Variants in GRB14 observed in about 807,000 individuals in gnomAD.
GRB14 encodes the protein growth factor receptor bound protein 14, also known as growth factor receptor-bound protein 14.
A neutral mutation model predicts 69.1 loss-of-function variants in GRB14; 38 were observed. That is an observed-to-expected ratio of 0.55 (90% CI 0.42 to 0.72). The LOEUF is 0.72. Among genes scored for constraint, GRB14 ranks in the 30% least tolerant of loss-of-function variants. The pLI is 0.00. For missense variants in GRB14, 666 were observed against 666.1 expected (o/e 1.00, Z 0.00); for synonymous variants, 247 against 241.3 (o/e 1.02, Z -0.22).
At chr2:164,557,189 A>G (rs1480337853) in intron 2 of GRB14, among the ~76,000 whole-genome samples, 6 of 152,182 alleles carry the variant, frequency 3.9e-5, no homozygotes, top group Non-Finnish European at 7.3e-5. Flanking sequence ...AACAATACTC[A>G]GGAAAGAATA....
intron 6 of GRB14, among the ~76,000 whole-genome samples, chr2:164,512,561 C>A (rs1687367859): frequency 6.6e-6 from 1 of 152,228 alleles, no homozygotes; most frequent in South Asian, 2.1e-4. Flanking sequence ...GAGGGAAGGA[C>A]ACAAGCCTGG....
intron 2 of GRB14, among the ~76,000 whole-genome samples, chr2:164,567,021 G>A (rs1308199167): frequency 6.6e-6 from 1 of 152,064 alleles, no homozygotes; most frequent in Non-Finnish European, 1.5e-5. Context: ...ACCGGATAAA[G>A]AAGAATTCAA....
intron 2 of GRB14, among the ~76,000 whole-genome samples, chr2:164,614,570 C>T (rs772147266): frequency 2.6e-5 from 4 of 151,954 alleles, no homozygotes; most frequent in East Asian, 1.9e-4. Flanking sequence ...TACAAAACTA[C>T]GTAGAGATGC....
intron 3 of GRB14, among the ~76,000 whole-genome samples, chr2:164,546,834 G>A (rs1409078122): frequency 6.6e-6 from 1 of 152,104 alleles, no homozygotes; most frequent in African/African-American, 2.4e-5. Flanking sequence ...CCAGCCAAAG[G>A]AGACACCAAA....
intron 2 of GRB14, among the ~76,000 whole-genome samples, chr2:164,599,633 T>C (rs191371848): frequency 5.3e-5 from 8 of 152,306 alleles, no homozygotes; most frequent in Admixed American, 5.2e-4. Context: ...GAAGCATATA[T>C]GGGAAAATGC....
At chr2:164,499,520 A>G (rs935979333) in intron 9 of GRB14, among the ~76,000 whole-genome samples, 4 of 152,150 alleles carry the variant, frequency 2.6e-5, no homozygotes, top group Non-Finnish European at 4.4e-5. Context: ...TAGAAAAGCA[A>G]TGTTGATAAC....
At chr2:164,527,981 C>T (rs190842597) in intron 3 of GRB14, among the ~76,000 whole-genome samples, 1 of 152,078 alleles carries the variant, frequency 6.6e-6, no homozygotes, top group Non-Finnish European at 1.5e-5. Flanking sequence ...TGTAAAAGCA[C>T]ACAGTGAAAA....
chr2:164,499,810 A>T (rs1421742401), intron 9 of GRB14, among the ~76,000 whole-genome samples: 1 of 152,132 alleles, frequency 6.6e-6, no homozygotes, highest in Non-Finnish European at 1.5e-5. Flanking sequence ...ATTTAGATAA[A>T]CTTACAGTGC....
At chr2:164,599,083 C>T (rs1689856223) in intron 2 of GRB14, among the ~76,000 whole-genome samples, 1 of 152,202 alleles carries the variant, frequency 6.6e-6, no homozygotes, top group African/African-American at 2.4e-5. Context: ...GACCATCCAA[C>T]CTTGCTTTAC....
At chr2:164,611,868 TAAGAG>T (rs1690174441) in intron 2 of GRB14, among the ~76,000 whole-genome samples, 1 of 152,048 alleles carries the variant, frequency 6.6e-6, no homozygotes, top group East Asian at 1.9e-4. Flanking sequence ...GAACAGAGGC[TAAGAG>T]GGAGCTTCTA....
chr2:164,496,922 A>G lies in GRB14; in HGVS notation c.1382+86T>C, dbSNP rs936127514. ...GTTTTATGATAAGCCCAAATCAAGAACTCTTTGTGGCTATGGAATAAATAA... is the reference window on the plus strand; with the variant it reads ...GTTTTATGATAAGCCCAAATCAAGAGCTCTTTGTGGCTATGGAATAAATAA... On this transcript the variant is annotated intron_variant, in intron 12 of 13. Transcript: ENST00000263915. 19 of 1,033,118 alleles carry G rather than the reference A, an allele frequency of 1.8e-5. No individual in the cohort carries two copies. In the African/African-American group the frequency reaches 3.0e-4, roughly 16 times the overall value. The allele number at this position is 1,033,118 out of a possible 1,614,324, so 64.0% of individuals were successfully genotyped here.
intron 6 of GRB14, among the ~76,000 whole-genome samples, chr2:164,515,325 C>A (rs1687453176): frequency 6.6e-6 from 1 of 152,206 alleles, no homozygotes; most frequent in African/African-American, 2.4e-5. Context: ...CCCCTGCCAC[C>A]TTCACTGGAG....
intron 2 of GRB14, among the ~76,000 whole-genome samples, chr2:164,585,070 TACCACCATGCCTGGC>T (rs1689504179): frequency 1.5e-5 from 2 of 134,862 alleles, no homozygotes; most frequent in African/African-American, 2.7e-5. Flanking sequence ...AGCCCCTTCA[TACCACCATGCCTGGC>T]TTTTTTTTTT....
chr2:164,588,990 A>T (rs1033058066), intron 2 of GRB14, among the ~76,000 whole-genome samples: 1 of 152,184 alleles, frequency 6.6e-6, no homozygotes, highest in Non-Finnish European at 1.5e-5. Context: ...CTTTTGGATA[A>T]CATTCATTTA....
chr2:164,618,275 C>CT (rs148304939), intron 2 of GRB14, among the ~76,000 whole-genome samples: 66 of 145,892 alleles, frequency 4.5e-4, no homozygotes, highest in Admixed American at 6.2e-4. Flanking sequence ...CACCCGGCCT[C>CT]TTTTTTTTTT....
chr2:164,529,134 T>G (rs1687856457), intron 3 of GRB14, among the ~76,000 whole-genome samples: 1 of 152,194 alleles, frequency 6.6e-6, no homozygotes, highest in Admixed American at 6.5e-5. Context: ...GAAGCTATTT[T>G]GCTAAGTGAA....
intron 2 of GRB14, among the ~76,000 whole-genome samples, chr2:164,557,550 C>A (rs763725615): frequency 5.3e-5 from 8 of 152,192 alleles, no homozygotes; most frequent in Non-Finnish European, 1.2e-4. Flanking sequence ...GCTACAATAA[C>A]AGAAAGTCAT....
intron 2 of GRB14, among the ~76,000 whole-genome samples, chr2:164,572,493 G>A (rs1335162253): frequency 6.6e-6 from 1 of 152,160 alleles, no homozygotes; most frequent in Non-Finnish European, 1.5e-5. Context: ...GGGGAAGGAA[G>A]GAAAGATGAC....
intron 2 of GRB14, among the ~76,000 whole-genome samples, chr2:164,591,293 G>A (rs1295874476): frequency 6.6e-6 from 1 of 152,008 alleles, no homozygotes. Context: ...ATTAAGTAAG[G>A]GGTTTTGACC....
Sources: gnomAD v4.1 joint callset for allele counts (sites outside exome capture counted in the v4.1 genomes callset) on GRCh38, gnomAD v4.1.1 for gene constraint, MANE v1.5 for transcripts, NCBI Gene and HGNC (gene_info 2026-07-23, HGNC 2026-07-21) for gene names.